PDE4D: variants seen among roughly 807,000 people sequenced by gnomAD.
PDE4D encodes the protein 3',5'-cyclic-AMP phosphodiesterase 4D.
PDE4D carries 24 observed loss-of-function variants against 87.4 expected under a neutral mutation model. The ratio of observed to expected loss-of-function variants is 0.27; its 90% CI spans 0.20 to 0.39. The LOEUF (loss-of-function observed/expected upper bound fraction) is 0.39. Among genes scored for constraint, PDE4D ranks in the 10% least tolerant of loss-of-function variants. The pLI is 1.00. For synonymous variants in PDE4D, 384 were observed against 383.2 expected (o/e 1.00, Z -0.02); for missense variants, 714 against 1,041.0 (o/e 0.69, Z 4.32).
At chr5:59,732,911 C>A (rs142405380) in intron 1 of PDE4D, among the ~76,000 whole-genome samples, 324 of 152,198 alleles carry the variant, frequency 2.1e-3, no homozygotes, top group African/African-American at 7.4e-3. Flanking sequence ...AAGTGACTTT[C>A]ACATGGATTT....
rs554541620 is a variant in PDE4D, at chr5:59,529,971, C to T, written c.456-314003G>A. 6.6e-5 allele frequency among the ~76,000 whole-genome samples: 10 copies of T among 152,286 alleles called. No individual in the cohort carries two copies. The South Asian group carries it at 2.1e-3, about 32-fold the overall frequency. On this transcript the variant is annotated intron_variant, in intron 1 of 14. Coordinates refer to ENST00000340635, the MANE Select transcript of PDE4D (RefSeq NM_001104631.2). ...TAAGGCCCCAGTGCTGTGCTTCTCACATTGAAAACACATATGAATCACCTG... is the reference window on the plus strand; with the variant it reads ...TAAGGCCCCAGTGCTGTGCTTCTCATATTGAAAACACATATGAATCACCTG...
chr5:59,987,887 T>A (rs561460370), intron 3 of PDE4D: 2 of 152,314 alleles, frequency 1.3e-5, no homozygotes, highest in Non-Finnish European at 2.9e-5. Context: ...CCCTGCAAAG[T>A]AGGAAATAAA....
chr5:60,422,611 C>A (rs1456692500), intron 1 of PDE4D, among the ~76,000 whole-genome samples: 1 of 152,144 alleles, frequency 6.6e-6, no homozygotes, highest in Non-Finnish European at 1.5e-5. Flanking sequence ...TAAAGACCAT[C>A]GACACCATGA....
At chr5:59,972,459 C>T (rs1760886350) in intron 3 of PDE4D, among the ~76,000 whole-genome samples, 1 of 152,226 alleles carries the variant, frequency 6.6e-6, no homozygotes, top group African/African-American at 2.4e-5. Flanking sequence ...AAGGATCCGG[C>T]TTGTCAGCCA....
At chr5:60,407,353 A>G (rs1741627341) in intron 1 of PDE4D, among the ~76,000 whole-genome samples, 1 of 151,634 alleles carries the variant, frequency 6.6e-6, no homozygotes, top group African/African-American at 2.4e-5. Context: ...CGCAGTCACA[A>G]GCCTATCTCC....
In PDE4D at chr5:59,754,797, A is replaced by ATTTTTTTTTTTTTTTTTTTTTTTTTTTTT. The variant is rs754869518; in HGVS notation, c.455+138370_455+138371insAAAAAAAAAAAAAAAAAAAAAAAAAAAAA. Among the ~76,000 whole-genome samples the ATTTTTTTTTTTTTTTTTTTTTTTTTTTTT allele has an allele frequency of 1.5e-4, 15 of 96,868 alleles. 6 individuals are homozygous for ATTTTTTTTTTTTTTTTTTTTTTTTTTTTT. Among genetic ancestry groups the ATTTTTTTTTTTTTTTTTTTTTTTTTTTTT allele is most frequent in the Admixed American group, 3.2e-4 (3 of 9,440 alleles). 63.5% of individuals were successfully genotyped at this position (96,868 alleles called of 152,430 possible). On this transcript the variant is annotated intron_variant, in intron 1 of 14. Coordinates refer to ENST00000340635, the MANE Select transcript of PDE4D (RefSeq NM_001104631.2). The stretch of plus-strand genomic sequence containing the variant: ...GCAGGTACAGAATTTTCCACAGAAC[A>ATTTTTTTTTTTTTTTTTTTTTTTTTTTTT]TTTTTTTTTTTTTTTTTTTTTTTTT...
chr5:59,955,590 C>T (rs1481495655), intron 3 of PDE4D, among the ~76,000 whole-genome samples: 1 of 152,184 alleles, frequency 6.6e-6, no homozygotes, highest in Non-Finnish European at 1.5e-5. Flanking sequence ...AGGATTCCAA[C>T]CAGTATAGCG....
chr5:59,798,092 G>T (rs1306203641), intron 1 of PDE4D, among the ~76,000 whole-genome samples: 1 of 152,008 alleles, frequency 6.6e-6, no homozygotes, highest in African/African-American at 2.4e-5. Flanking sequence ...AAATAGCCAG[G>T]TGTGGTGGCC....
intron 3 of PDE4D, among the ~76,000 whole-genome samples, chr5:59,968,639 A>C (rs2152815875): frequency 6.7e-6 from 1 of 150,136 alleles, no homozygotes; most frequent in South Asian, 2.2e-4. Context: ...CAGTTTTAGA[A>C]ATTTGGATAG....
intron 1 of PDE4D, among the ~76,000 whole-genome samples, chr5:59,809,322 A>C (rs1768079998): frequency 6.6e-6 from 1 of 152,206 alleles, no homozygotes; most frequent in African/African-American, 2.4e-5. Flanking sequence ...AGACCCATCG[A>C]AAGTGAGATA....
rs147166218 is a variant in PDE4D, at chr5:59,817,640, C to T, written c.455+75528G>A. Among the ~76,000 whole-genome samples, 9 of 152,122 alleles carry T rather than the reference C, an allele frequency of 5.9e-5. No individual in the cohort carries two copies. The East Asian group carries it at 1.7e-3, about 29-fold the overall frequency. ...GTCAGTAAATAAGTTTAAATGTGGT[C>T]ATAAGGGTAGGGTCCTAATCTGACC... On this transcript the variant is annotated intron_variant, in intron 1 of 14. Coordinates refer to ENST00000340635, the MANE Select transcript of PDE4D (RefSeq NM_001104631.2).
At chr5:60,288,795 G>A (rs1336916944) in intron 1 of PDE4D, among the ~76,000 whole-genome samples, 1 of 152,076 alleles carries the variant, frequency 6.6e-6, no homozygotes, top group Non-Finnish European at 1.5e-5. Context: ...AATTGATTTT[G>A]TTCTTGACAT....
chr5:60,071,640 A>G (rs1772730625), intron 2 of PDE4D, among the ~76,000 whole-genome samples: 1 of 152,130 alleles, frequency 6.6e-6, no homozygotes, highest in Admixed American at 6.6e-5. Flanking sequence ...AGTTTGTTAT[A>G]TAAGTAAGCT....
At chr5:60,290,674 G>A (rs950450161) in intron 1 of PDE4D, among the ~76,000 whole-genome samples, 3 of 151,950 alleles carry the variant, frequency 2.0e-5, no homozygotes, top group East Asian at 1.9e-4. Context: ...GCATGGTGGC[G>A]CACACCTGTG....
At chr5:59,358,212 A>G (rs1781687728) in intron 1 of PDE4D, among the ~76,000 whole-genome samples, 1 of 152,216 alleles carries the variant, frequency 6.6e-6, no homozygotes, top group African/African-American at 2.4e-5. Flanking sequence ...CGAGTAATAG[A>G]AAAGGTTTTT....
At chr5:59,184,973 T>C (rs1179973568) in intron 4 of PDE4D, among the ~76,000 whole-genome samples, 1 of 152,142 alleles carries the variant, frequency 6.6e-6, no homozygotes, top group Non-Finnish European at 1.5e-5. Flanking sequence ...ACAGATGGAA[T>C]CACCATATTT....
chr5:60,477,535 G>T (rs145526640), intron 1 of PDE4D, among the ~76,000 whole-genome samples: 222 of 152,258 alleles, frequency 1.5e-3, no homozygotes, highest in Non-Finnish European at 2.5e-3. Context: ...TAAGATGGAG[G>T]AAAAAAGGTG....
In PDE4D at chr5:59,423,814, C is replaced by A. The variant is rs538321900; in HGVS notation, c.456-207846G>T. Among the ~76,000 whole-genome samples, 505 of 125,748 alleles carry A rather than the reference C, an allele frequency of 4.0e-3. 4 individuals carry two copies. The highest frequency in any genetic ancestry group is 0.013 in the African/African-American group (489 of 37,312). 82.5% of individuals were successfully genotyped at this position (125,748 alleles called of 152,430 possible). ...TAGATCATGATGGCTGGGAATGTAA[C>A]CTTTTTTTTTTTTTTTGGTAGCCAC... On this transcript the variant is annotated intron_variant, in intron 1 of 14. Transcript: ENST00000340635.
rs754869518 is a variant in PDE4D, at chr5:59,754,797, A to ATTTT, written c.455+138367_455+138370dup. The stretch of plus-strand genomic sequence containing the variant: ...GCAGGTACAGAATTTTCCACAGAAC[A>ATTTT]TTTTTTTTTTTTTTTTTTTTTTTTT... On this transcript the variant is annotated intron_variant, in intron 1 of 14. Transcript: ENST00000340635. 2.3e-3 allele frequency among the ~76,000 whole-genome samples: 222 copies of ATTTT among 96,908 alleles called. 39 individuals are homozygous for ATTTT. The highest frequency in any genetic ancestry group is 3.2e-3 in the Non-Finnish European group (162 of 49,872). The allele number at this position is 96,908 out of a possible 152,430, so 63.6% of individuals were successfully genotyped here. A position where few individuals can be genotyped will look rare whatever the true frequency, so the allele number is the denominator to read the frequency against.
Sources: gnomAD v4.1 joint callset for allele counts (sites outside exome capture counted in the v4.1 genomes callset) on GRCh38, gnomAD v4.1.1 for gene constraint, MANE v1.5 for transcripts, NCBI Gene and HGNC (gene_info 2026-07-23, HGNC 2026-07-21) for gene names.